The following KCND2 variants were observed in gnomAD, a reference collection of about 807,000 sequenced individuals.
KCND2 encodes the protein potassium voltage-gated channel subfamily D member 2.
In KCND2, 16 loss-of-function variants were observed where a neutral mutation model predicts 54.4. The ratio of observed to expected loss-of-function variants is 0.29; its 90% CI spans 0.20 to 0.45. The LOEUF (loss-of-function observed/expected upper bound fraction) is 0.45, where lower values mean the gene tolerates loss of function less well. Among genes scored for constraint, KCND2 ranks in the 20% least tolerant of loss-of-function variants. KCND2 has a pLI of 1.00. For synonymous variants in KCND2, 317 were observed against 310.7 expected (o/e 1.02, Z -0.21); for missense variants, 486 against 824.2 (o/e 0.59, Z 5.02).
intron 1 of KCND2, among the ~76,000 whole-genome samples, chr7:120,478,553 GA>G (rs149259422): frequency 6.6e-6 from 1 of 152,092 alleles, no homozygotes; most frequent in Non-Finnish European, 1.5e-5. Flanking sequence ...AATGAATCAT[GA>G]AAAAAGATTG....
intron 1 of KCND2, among the ~76,000 whole-genome samples, chr7:120,728,280 T>C (rs1792760923): frequency 6.6e-6 from 1 of 151,004 alleles, no homozygotes; most frequent in South Asian, 2.1e-4. Context: ...TTCGTTCTTC[T>C]TCTTTTTTTT....
intron 1 of KCND2, among the ~76,000 whole-genome samples, chr7:120,282,947 C>A (rs1430824337): frequency 6.6e-6 from 1 of 152,024 alleles, no homozygotes; most frequent in Non-Finnish European, 1.5e-5. Context: ...GTGGAAGAGT[C>A]AGAAATAAAA....
At chr7:120,356,084 A>G (rs960719988) in intron 1 of KCND2, among the ~76,000 whole-genome samples, 1 of 152,154 alleles carries the variant, frequency 6.6e-6, no homozygotes, top group Non-Finnish European at 1.5e-5. Context: ...AGAAAAAGTT[A>G]TTAGAAAGGA....
intron 1 of KCND2, among the ~76,000 whole-genome samples, chr7:120,566,815 C>G (rs1389913365): frequency 1.3e-5 from 2 of 151,724 alleles, no homozygotes; most frequent in Non-Finnish European, 2.9e-5. Context: ...TGTTAAGACA[C>G]TGTTAATTTT....
At chr7:120,600,133 G>A (rs943070448) in intron 1 of KCND2, among the ~76,000 whole-genome samples, 1 of 151,886 alleles carries the variant, frequency 6.6e-6, no homozygotes, top group Non-Finnish European at 1.5e-5. Context: ...ATAATCACAA[G>A]ATAAATGTTT....
At chr7:120,558,142 A>G (rs571173483) in intron 1 of KCND2, among the ~76,000 whole-genome samples, 183 of 152,256 alleles carry the variant, frequency 1.2e-3, no homozygotes, top group African/African-American at 4.1e-3. Context: ...TTTTTATGGC[A>G]TGTTTGGTTA....
chr7:120,301,840 T>G (rs912855371), intron 1 of KCND2, among the ~76,000 whole-genome samples: 2 of 152,180 alleles, frequency 1.3e-5, no homozygotes, highest in Non-Finnish European at 2.9e-5. Flanking sequence ...GACATCGTTT[T>G]GTGCATCACC....
At chr7:120,525,991 C>A (rs914660306) in intron 1 of KCND2, among the ~76,000 whole-genome samples, 2 of 152,006 alleles carry the variant, frequency 1.3e-5, no homozygotes, top group Non-Finnish European at 2.9e-5. Context: ...TCTTTCCTTC[C>A]CTCTTTACAA....
intron 1 of KCND2, among the ~76,000 whole-genome samples, chr7:120,665,050 T>C (rs1020019693): frequency 6.6e-6 from 1 of 152,062 alleles, no homozygotes; most frequent in African/African-American, 2.4e-5. Context: ...CTTAACCAGA[T>C]TTTAAAACCC....
At chr7:120,505,816 TTCTG>T (rs1803007122) in intron 1 of KCND2, among the ~76,000 whole-genome samples, 2 of 151,832 alleles carry the variant, frequency 1.3e-5, no homozygotes, top group Non-Finnish European at 1.5e-5. Context: ...ACCTGCTCAC[TTCTG>T]TCTAATTTTA....
At chr7:120,551,458 G>A (rs997118668) in intron 1 of KCND2, among the ~76,000 whole-genome samples, 2 of 152,148 alleles carry the variant, frequency 1.3e-5, no homozygotes, top group African/African-American at 4.8e-5. Flanking sequence ...CATTCAAAGT[G>A]AGTGGAGAAA....
chr7:120,614,469 T>C (rs1478304978), intron 1 of KCND2, among the ~76,000 whole-genome samples: 1 of 152,238 alleles, frequency 6.6e-6, no homozygotes, highest in Non-Finnish European at 1.5e-5. Context: ...ATCCACCTCA[T>C]CTAGTTTTAT....
chr7:120,705,014 T>C (rs1792448490), intron 1 of KCND2, among the ~76,000 whole-genome samples: 1 of 152,222 alleles, frequency 6.6e-6, no homozygotes, highest in East Asian at 1.9e-4. Context: ...AGTCCTTTAA[T>C]ACTGCCTATT....
chr7:120,337,041 A>G (rs1471178467), intron 1 of KCND2, among the ~76,000 whole-genome samples: 1 of 152,094 alleles, frequency 6.6e-6, no homozygotes, highest in African/African-American at 2.4e-5. Flanking sequence ...TTCATATGAC[A>G]AGTAAAACAA....
chr7:120,284,453 A>C (rs1325260970), intron 1 of KCND2, among the ~76,000 whole-genome samples: 1 of 152,154 alleles, frequency 6.6e-6, no homozygotes. Context: ...ACTTATGAAA[A>C]TATGTCTAGA....
At chr7:120,496,704 G>A (rs962556650) in intron 1 of KCND2, among the ~76,000 whole-genome samples, 1 of 152,086 alleles carries the variant, frequency 6.6e-6, no homozygotes, top group South Asian at 2.1e-4. Context: ...GATTACAGGC[G>A]TGAGCCACCG....
chr7:120,332,580 C>T (rs1011739428), intron 1 of KCND2, among the ~76,000 whole-genome samples: 4 of 152,024 alleles, frequency 2.6e-5, no homozygotes, highest in South Asian at 2.1e-4. Flanking sequence ...ATAGCCTGTA[C>T]GCTTTCTTAA....
chr7:120,588,156 A>T (rs1044258214), intron 1 of KCND2, among the ~76,000 whole-genome samples: 1 of 152,188 alleles, frequency 6.6e-6, no homozygotes, highest in African/African-American at 2.4e-5. Context: ...ATGTAATACA[A>T]ATTTACATTA....
At chr7:120,434,322 C>G (rs558095101) in intron 1 of KCND2, among the ~76,000 whole-genome samples, 1 of 152,088 alleles carries the variant, frequency 6.6e-6, no homozygotes. Context: ...CTTTTTTGTC[C>G]CCTTTGTGGT....
Sources: gnomAD v4.1 joint callset for allele counts (sites outside exome capture counted in the v4.1 genomes callset) on GRCh38, gnomAD v4.1.1 for gene constraint, MANE v1.5 for transcripts, NCBI Gene and HGNC (gene_info 2026-07-23, HGNC 2026-07-21) for gene names.